The following GRM3 variants were observed in gnomAD, a reference collection of about 807,000 sequenced individuals.
GRM3 encodes glutamate metabotropic receptor 3, also known as metabotropic glutamate receptor 3.
GRM3 carries 26 observed loss-of-function variants against 70.5 expected under a neutral mutation model. The observed-to-expected ratio is 0.37, with a 90% CI of 0.27 to 0.51. GRM3 has a LOEUF of 0.51. GRM3 is among the 20% of genes least tolerant of loss of function. The pLI, the probability that GRM3 is intolerant of heterozygous loss-of-function variation, is 0.93. For synonymous variants in GRM3, 443 were observed against 434.9 expected (o/e 1.02, Z -0.23); for missense variants, 859 against 1,123.8 (o/e 0.76, Z 3.37).
At chr7:86,861,155 A>T (rs1216834693) in intron 5 of GRM3, among the ~76,000 whole-genome samples, 1 of 152,202 alleles carries the variant, frequency 6.6e-6, no homozygotes, top group Non-Finnish European at 1.5e-5. Context: ...TCATTGTCAC[A>T]ATGTGGCTTG....
At chr7:86,711,422 A>G (rs1037064278) in intron 1 of GRM3, among the ~76,000 whole-genome samples, 2 of 152,110 alleles carry the variant, frequency 1.3e-5, no homozygotes, top group African/African-American at 4.8e-5. Flanking sequence ...ATTTGGTGGC[A>G]TGTTAAATAT....
chr7:86,818,349 A>G (rs1029504132), intron 3 of GRM3, among the ~76,000 whole-genome samples: 4 of 152,106 alleles, frequency 2.6e-5, no homozygotes, highest in African/African-American at 9.7e-5. Flanking sequence ...CAAATACATA[A>G]ATTAGACTGG....
At chr7:86,855,273 C>A (rs1798825691) in intron 5 of GRM3, among the ~76,000 whole-genome samples, 1 of 152,098 alleles carries the variant, frequency 6.6e-6, no homozygotes, top group African/African-American at 2.4e-5. Flanking sequence ...AGTTACATAG[C>A]ATAAAACCCT....
At chr7:86,810,174 C>T (rs1215790038) in intron 3 of GRM3, among the ~76,000 whole-genome samples, 1 of 151,964 alleles carries the variant, frequency 6.6e-6, no homozygotes, top group African/African-American at 2.4e-5. Context: ...AAGAAAACCA[C>T]ATAAATTCTA....
chr7:86,843,228 AG>A (rs749123524), intron 4 of GRM3, among the ~76,000 whole-genome samples: 14 of 152,176 alleles, frequency 9.2e-5, no homozygotes, highest in Admixed American at 2.6e-4. Flanking sequence ...AAAATTTGGA[AG>A]TAAATTTTAT....
intron 1 of GRM3, among the ~76,000 whole-genome samples, chr7:86,730,292 T>C (rs1795699520): frequency 6.6e-6 from 1 of 151,936 alleles, no homozygotes; most frequent in Non-Finnish European, 1.5e-5. Context: ...TGGTGGCACA[T>C]GCCTGTAATC....
chr7:86,828,476 A>G (rs1297194100), intron 3 of GRM3, among the ~76,000 whole-genome samples: 1 of 152,222 alleles, frequency 6.6e-6, no homozygotes, highest in African/African-American at 2.4e-5. Context: ...TTCACGATAA[A>G]GCAAGTTACA....
Position 86,839,995 on chromosome 7 carries a change from TCAA to T in GRM3, c.2391+92_2391+94del. 1.4e-6 allele frequency: 1 copy of T among 739,672 alleles called. No homozygotes were observed. The highest frequency in any genetic ancestry group is 2.3e-6 in the Non-Finnish European group (1 of 436,450). 45.8% of individuals were successfully genotyped at this position (739,672 alleles called of 1,614,324 possible). A position where few individuals can be genotyped will look rare whatever the true frequency, so the allele number is the denominator to read the frequency against. On this transcript the variant is annotated intron_variant, in intron 4 of 5. Coordinates refer to ENST00000361669, the MANE Select transcript of GRM3 (RefSeq NM_000840.3). The surrounding 1 kb of genome is among the most constrained non-coding windows in gnomAD (Gnocchi z 4.5). ...TAAAATAGACTCCTTTTATTTCATC[TCAA>T]CGAGTTGGGTAATTTCAAATGCCAT...
chr7:86,824,651 A>G (rs978874993), intron 3 of GRM3, among the ~76,000 whole-genome samples: 1 of 152,234 alleles, frequency 6.6e-6, no homozygotes. Flanking sequence ...ATATGTGATT[A>G]CCATAATTCT....
chr7:86,701,879 T>C (rs772173953), intron 1 of GRM3, among the ~76,000 whole-genome samples: 4 of 151,912 alleles, frequency 2.6e-5, no homozygotes, highest in Non-Finnish European at 5.9e-5. Flanking sequence ...TGCATATGAT[T>C]GTCACATCAG....
At chr7:86,742,609 A>G (rs1299653211) in intron 1 of GRM3, among the ~76,000 whole-genome samples, 1 of 152,150 alleles carries the variant, frequency 6.6e-6, no homozygotes, top group Non-Finnish European at 1.5e-5. Context: ...ACAGTTTACA[A>G]GATTATAAAG....
rs1414958571 is a variant in GRM3 at position 86,786,400 on chromosome 7, A to G, written c.608A>G (p.Glu203Gly). 6.2e-7 allele frequency: 1 copy of G among 1,614,170 alleles called. No homozygotes were observed. Reference protein sequence around the residue: ...PDFYQAKAMAEILRFFNWTYV... With the variant: ...PDFYQAKAMAGILRFFNWTYV... ...TTCTACCAGGCCAAAGCCATGGCTG[A>G]GATCTTGCGCTTCTTCAACTGGACC... The change falls in exon 3 of 6, where the codon GAG (glutamate) becomes GGG (glycine). Residue 203 changes from glutamate (E) to glycine (G), a missense_variant. By Grantham distance (98) the Glu-to-Gly change is moderately conservative. Coordinates refer to ENST00000361669, the MANE Select transcript of GRM3 (RefSeq NM_000840.3). This position sits in a 1 kb window ranked among gnomAD's most constrained non-coding sequence, Gnocchi z 6.0.
rs544783956 is a variant in GRM3, at chr7:86,754,613, C to T, written c.-140-10393C>T. On this transcript the variant is annotated intron_variant, in intron 1 of 5. Transcript: ENST00000361669. ...AAGTTATGGGATTAAATAAAATAAT[C>T]TATGTAGAACATTAACCATAGTTTT... 1.8e-3 allele frequency among the ~76,000 whole-genome samples: 275 copies of T among 152,176 alleles called. 1 individual carries two copies. Among genetic ancestry groups the T allele is most frequent in the Non-Finnish European group, 9.1e-4 (62 of 67,984 alleles).
At chr7:86,656,537 G>A (rs1182480579) in intron 1 of GRM3, among the ~76,000 whole-genome samples, 2 of 151,922 alleles carry the variant, frequency 1.3e-5, no homozygotes, top group Non-Finnish European at 2.9e-5. Flanking sequence ...CCAAAGTGCT[G>A]GGATAACAGC....
chr7:86,807,288 A>G lies in GRM3; in HGVS notation c.1324+20172A>G, dbSNP rs1686947844. ...TTTTTCCAATTCTGTGAAGAAAGTC[A>G]TTGGTAGCTTGATAGAGATGGCATT... On this transcript the variant is annotated intron_variant, in intron 3 of 5. Transcript: ENST00000361669. 2.8e-5 allele frequency among the ~76,000 whole-genome samples: 2 copies of G among 71,508 alleles called. 1 individual carries two copies. The highest frequency in any genetic ancestry group is 5.0e-5 in the Non-Finnish European group (2 of 39,856). 46.9% of individuals were successfully genotyped at this position (71,508 alleles called of 152,430 possible).
intron 1 of GRM3, among the ~76,000 whole-genome samples, chr7:86,735,022 G>A (rs1315285561): frequency 6.6e-6 from 1 of 152,158 alleles, no homozygotes; most frequent in Non-Finnish European, 1.5e-5. Context: ...TGGAAGGAAG[G>A]CAATAAATGG....
At chr7:86,857,135 T>TC (rs1562884053) in intron 5 of GRM3, among the ~76,000 whole-genome samples, 1 of 151,990 alleles carries the variant, frequency 6.6e-6, no homozygotes, top group Non-Finnish European at 1.5e-5. Context: ...TCAATGGTTT[T>TC]TTTTTTTTTT....
At chr7:86,781,514 T>G (rs926615591) in intron 2 of GRM3, among the ~76,000 whole-genome samples, 7 of 152,172 alleles carry the variant, frequency 4.6e-5, no homozygotes, top group African/African-American at 1.7e-4. Context: ...AATTTACATC[T>G]CTTCCTATAT....
chr7:86,761,134 G>A (rs757431075), intron 1 of GRM3, among the ~76,000 whole-genome samples: 13 of 152,110 alleles, frequency 8.5e-5, no homozygotes, highest in Admixed American at 6.6e-4. Flanking sequence ...TGACAGCAGG[G>A]ATGATGTTCA....
Sources: gnomAD v4.1 joint callset for allele counts (sites outside exome capture counted in the v4.1 genomes callset) on GRCh38, gnomAD v4.1.1 for gene constraint, Gnocchi (gnomAD v3.1) non-coding constraint, MANE v1.5 for transcripts, NCBI Gene and HGNC (gene_info 2026-07-23, HGNC 2026-07-21) for gene names.